CSMD1: variants seen among roughly 807,000 people sequenced by gnomAD.
CSMD1 encodes CUB and Sushi multiple domains 1, also known as CUB and sushi domain-containing protein 1.
A neutral mutation model predicts 417.5 loss-of-function variants in CSMD1; 213 were observed. The ratio of observed to expected loss-of-function variants is 0.51; its 90% CI spans 0.46 to 0.57. CSMD1 has a LOEUF of 0.57. CSMD1 is among the 20% of genes least tolerant of loss of function. The probability of loss-of-function intolerance (pLI) is 0.00; values close to 1 mark genes in which losing one functional copy is unlikely to be tolerated. For synonymous variants in CSMD1, 2,862 were observed against 1,736.8 expected (o/e 1.65, Z -16.11); for missense variants, 6,923 against 4,529.7 (o/e 1.53, Z -15.17).
intron 1 of CSMD1, among the ~76,000 whole-genome samples, chr8:4,778,039 G>C (rs1796958763): frequency 6.6e-6 from 1 of 152,268 alleles, no homozygotes; most frequent in Middle Eastern, 3.4e-3. Context: ...GTAGTGGAGA[G>C]TTAAAATTCA....
At chr8:4,861,889 G>A (rs1419571850) in intron 1 of CSMD1, among the ~76,000 whole-genome samples, 1 of 152,082 alleles carries the variant, frequency 6.6e-6, no homozygotes, top group East Asian at 1.9e-4. Context: ...GAGACAGAGG[G>A]AGAACCTGAA....
intron 2 of CSMD1, among the ~76,000 whole-genome samples, chr8:4,420,811 C>G (rs1232463174): frequency 3.9e-5 from 6 of 152,132 alleles, no homozygotes; most frequent in Non-Finnish European, 4.4e-5. Context: ...TGAGAATACC[C>G]ACATTCTGGT....
chr8:3,935,708 C>A (rs868863513), intron 5 of CSMD1, among the ~76,000 whole-genome samples: 5 of 152,056 alleles, frequency 3.3e-5, no homozygotes, highest in Admixed American at 6.6e-5. Context: ...CTGGTCACTC[C>A]CACATCTCTC....
rs151003968 is a variant in CSMD1, at chr8:3,730,074, C to T, written c.932-21583G>A. 5.9e-4 allele frequency among the ~76,000 whole-genome samples: 90 copies of T among 151,502 alleles called. 1 individual carries two copies. The highest frequency in any genetic ancestry group is 2.1e-3 in the African/African-American group (85 of 41,044). On this transcript the variant is annotated intron_variant, in intron 6 of 69. Transcript: ENST00000635120. ...GGTCCTCTACCTTAAGGCTGTGATT[C>T]TGCTCTCACCCCAAAAGAACTTTCC...
intron 10 of CSMD1, among the ~76,000 whole-genome samples, chr8:3,504,421 A>G (rs1796738360): frequency 6.6e-6 from 1 of 152,168 alleles, no homozygotes; most frequent in Admixed American, 6.5e-5. Flanking sequence ...GGATTCAAGA[A>G]TGCAGTGCAA....
chr8:4,991,918 A>G (rs979979651), intron 1 of CSMD1, among the ~76,000 whole-genome samples: 1 of 152,048 alleles, frequency 6.6e-6, no homozygotes. Context: ...AGCTCCACGG[A>G]CCCACTGCCT....
chr8:3,560,508 C>G (rs1339499939), intron 10 of CSMD1, among the ~76,000 whole-genome samples: 1 of 152,160 alleles, frequency 6.6e-6, no homozygotes, highest in South Asian at 2.1e-4. Context: ...TAGAAGAAAC[C>G]TAGACCTTGA....
intron 6 of CSMD1, among the ~76,000 whole-genome samples, chr8:3,746,309 C>G (rs964047455): frequency 2.0e-5 from 3 of 152,180 alleles, no homozygotes; most frequent in Admixed American, 6.5e-5. Flanking sequence ...ATTCTTGAAG[C>G]ATAAGAACTT....
At chr8:4,252,684 G>C (rs77200258) in intron 3 of CSMD1, among the ~76,000 whole-genome samples, 4 of 152,212 alleles carry the variant, frequency 2.6e-5, no homozygotes, top group African/African-American at 7.2e-5. Context: ...GAGTTAACCA[G>C]TGAAATGCTA....
At chr8:3,839,112 G>A (rs980463951) in intron 5 of CSMD1, among the ~76,000 whole-genome samples, 3 of 120,688 alleles carry the variant, frequency 2.5e-5, no homozygotes, top group African/African-American at 9.2e-5. Context: ...TATATATATA[G>A]TCTATATGTA....
intron 8 of CSMD1, among the ~76,000 whole-genome samples, chr8:3,612,240 G>T (rs1197174202): frequency 6.6e-6 from 1 of 151,798 alleles, no homozygotes; most frequent in Non-Finnish European, 1.5e-5. Flanking sequence ...AGGTATTGAA[G>T]AAACAAAAAT....
intron 2 of CSMD1, among the ~76,000 whole-genome samples, chr8:4,428,041 A>G (rs1472721201): frequency 1.3e-5 from 2 of 152,274 alleles, no homozygotes; most frequent in South Asian, 2.1e-4. Context: ...TTTCATTGCT[A>G]TTGTTAAGAC....
At chr8:3,255,658 C>A (rs1013988343) in intron 26 of CSMD1, among the ~76,000 whole-genome samples, 3 of 152,182 alleles carry the variant, frequency 2.0e-5, no homozygotes, top group African/African-American at 7.2e-5. Flanking sequence ...GGCGTAGGAC[C>A]CTCTGAGCCA....
At chr8:4,545,180 A>G (rs1797575932) in intron 2 of CSMD1, among the ~76,000 whole-genome samples, 1 of 152,236 alleles carries the variant, frequency 6.6e-6, no homozygotes, top group South Asian at 2.1e-4. Flanking sequence ...TGTGAGAAAC[A>G]GCTATGAGAA....
At chr8:3,173,161 C>T (rs867272188) in intron 37 of CSMD1, among the ~76,000 whole-genome samples, 2 of 152,176 alleles carry the variant, frequency 1.3e-5, no homozygotes, top group African/African-American at 4.8e-5. Context: ...CTGTCCCTTA[C>T]ACTGAGTAAT....
chr8:3,814,327 G>A (rs1033231367), intron 5 of CSMD1, among the ~76,000 whole-genome samples: 1 of 152,136 alleles, frequency 6.6e-6, no homozygotes, highest in African/African-American at 2.4e-5. Flanking sequence ...GCAAACCAGA[G>A]CCAGTTATCT....
chr8:4,599,892 A>G (rs1270812735), intron 2 of CSMD1, among the ~76,000 whole-genome samples: 1 of 152,186 alleles, frequency 6.6e-6, no homozygotes, highest in African/African-American at 2.4e-5. Flanking sequence ...GTTTTTTGTA[A>G]ACTGCTCAAA....
chr8:3,650,087 T>G (rs1371737749), intron 7 of CSMD1, among the ~76,000 whole-genome samples: 2 of 152,124 alleles, frequency 1.3e-5, no homozygotes, highest in African/African-American at 2.4e-5. Context: ...GAGACTAGCC[T>G]GGACAACATG....
chr8:3,592,665 T>C (rs1408933715), intron 8 of CSMD1, among the ~76,000 whole-genome samples: 1 of 128,764 alleles, frequency 7.8e-6, no homozygotes, highest in Non-Finnish European at 1.5e-5. Flanking sequence ...TTTACGTGTG[T>C]GTGCACATCC....
Sources: gnomAD v4.1 joint callset for allele counts (sites outside exome capture counted in the v4.1 genomes callset) on GRCh38, gnomAD v4.1.1 for gene constraint, MANE v1.5 for transcripts, NCBI Gene and HGNC (gene_info 2026-07-23, HGNC 2026-07-21) for gene names.